Variants in MATN2 observed in about 807,000 individuals in gnomAD.
The protein encoded by MATN2 is matrilin 2.
MATN2 carries 69 observed loss-of-function variants against 103.2 expected under a neutral mutation model. That is an observed-to-expected ratio of 0.67 (90% confidence interval 0.55 to 0.82). The LOEUF is 0.82. Ranked by LOEUF, MATN2 falls within the 40% of genes least tolerant of loss-of-function variation. MATN2 has a pLI of 0.00. For synonymous variants in MATN2, 429 were observed against 450.2 expected (o/e 0.95, Z 0.60); for missense variants, 1,023 against 1,211.5 (o/e 0.84, Z 2.31).
chr8:97,941,143 C>G (rs1296783295), intron 3 of MATN2, among the ~76,000 whole-genome samples: 1 of 98,808 alleles, frequency 1.0e-5, no homozygotes. Flanking sequence ...GCCTGGAAGA[C>G]AGAGCAAGAC....
At chr8:97,947,204 T>C (rs1810780793) in intron 4 of MATN2, among the ~76,000 whole-genome samples, 1 of 152,150 alleles carries the variant, frequency 6.6e-6, no homozygotes, top group South Asian at 2.1e-4. Flanking sequence ...AAACCCTGTC[T>C]CTACTAAAAA....
intron 2 of MATN2, among the ~76,000 whole-genome samples, chr8:97,913,203 A>G (rs1809509024): frequency 6.6e-6 from 1 of 152,160 alleles, no homozygotes; most frequent in Non-Finnish European, 1.5e-5. Context: ...AGCTGCCTGA[A>G]AGATAGTCTG....
chr8:98,016,581 T>G lies in MATN2; in HGVS notation c.1615T>G (p.Ser539Ala), dbSNP rs770420759. 9.3e-6 allele frequency: 15 copies of G among 1,611,404 alleles called. No individual in the cohort carries two copies. Among genetic ancestry groups the G allele is most frequent in the Middle Eastern group, 3.3e-4 (2 of 6,072 alleles). The change falls in exon 11 of 19, where the codon TCG becomes GCG. Residue 539 changes from serine to alanine, a missense_variant. Transcript: ENST00000254898. Reference protein sequence around the residue: ...CALGDHGCEHSCVSSEDSFVC... With the variant: ...CALGDHGCEHACVSSEDSFVC... ...TCTGGGGGACCACGGTTGTGAACAT[T>G]CGTGTGTAAGCAGTGAAGATTCGTT...
At chr8:97,952,477 T>A (rs554552457) in intron 4 of MATN2, among the ~76,000 whole-genome samples, 1 of 152,274 alleles carries the variant, frequency 6.6e-6, no homozygotes, top group Admixed American at 6.5e-5. Flanking sequence ...TGCTCCCCCC[T>A]CAGTTCTGCC....
chr8:97,968,419 G>A (rs115035589), intron 5 of MATN2, among the ~76,000 whole-genome samples: 4,675 of 152,294 alleles, frequency 0.031, 225 homozygotes, highest in African/African-American at 0.1. Flanking sequence ...TGGCTAGGCT[G>A]CAAATTTTCC....
chr8:97,889,453 C>G (rs1412710791), intron 2 of MATN2, among the ~76,000 whole-genome samples: 3 of 45,902 alleles, frequency 6.5e-5, no homozygotes, highest in African/African-American at 1.6e-4. Flanking sequence ...CTCTCTCTCT[C>G]TCTGTCTATA....
intron 1 of MATN2, among the ~76,000 whole-genome samples, chr8:97,877,082 T>A (rs1818101144): frequency 6.6e-6 from 1 of 151,388 alleles, no homozygotes; most frequent in Non-Finnish European, 1.5e-5. Context: ...CGTAGTTCAC[T>A]GCAGCCTCAA....
At chr8:97,905,836 T>C (rs1484046070) in intron 2 of MATN2, among the ~76,000 whole-genome samples, 1 of 152,138 alleles carries the variant, frequency 6.6e-6, no homozygotes, top group Non-Finnish European at 1.5e-5. Context: ...ATTTTTTGTA[T>C]TTTAAGTAGA....
intron 13 of MATN2, chr8:98,024,988 T>G (rs1404662809): frequency 6.6e-6 from 1 of 152,214 alleles, no homozygotes; most frequent in Non-Finnish European, 1.5e-5. Flanking sequence ...GTGTGGGGGT[T>G]GCAAGTGCTA....
At chr8:98,030,009 G>A (rs1454055694) in intron 14 of MATN2, among the ~76,000 whole-genome samples, 1 of 152,182 alleles carries the variant, frequency 6.6e-6, no homozygotes, top group Non-Finnish European at 1.5e-5. Flanking sequence ...TGGGCAAAAA[G>A]CAGCTTCACT....
At chr8:97,912,464 A>C (rs1809481495) in intron 2 of MATN2, among the ~76,000 whole-genome samples, 1 of 152,220 alleles carries the variant, frequency 6.6e-6, no homozygotes, top group Admixed American at 6.5e-5. Flanking sequence ...TTGGCTCAAT[A>C]GTTTTCCTTT....
intron 2 of MATN2, among the ~76,000 whole-genome samples, chr8:97,901,598 T>C (rs951370766): frequency 2.6e-5 from 4 of 152,190 alleles, no homozygotes; most frequent in African/African-American, 9.7e-5. Context: ...AATCATTGAT[T>C]CATCCATTCA....
At chr8:98,008,882 C>T (rs538318609) in intron 10 of MATN2, among the ~76,000 whole-genome samples, 2 of 152,312 alleles carry the variant, frequency 1.3e-5, no homozygotes, top group Admixed American at 1.3e-4. Context: ...TTGTAGGACC[C>T]TACGAAATTC....
chr8:97,995,249 G>A (rs76834369), intron 7 of MATN2, among the ~76,000 whole-genome samples: 4 of 152,164 alleles, frequency 2.6e-5, no homozygotes, highest in African/African-American at 9.7e-5. Context: ...GGACAGAGAC[G>A]ATTATCTTTT....
At chr8:97,994,641 T>G (rs887156047) in intron 7 of MATN2, 39 bp downstream of exon 7, 1 of 1,589,482 alleles carries the variant, frequency 6.3e-7, no homozygotes, top group Non-Finnish European at 8.5e-7. Flanking sequence ...CTTGTTCTGC[T>G]AAATGCTCCT....
At chr8:98,032,833 TTTTTG>T (rs1223751370) in intron 16 of MATN2, among the ~76,000 whole-genome samples, 7 of 151,946 alleles carry the variant, frequency 4.6e-5, no homozygotes, top group African/African-American at 1.5e-4. Context: ...TGCCCGGCTG[TTTTTG>T]TTTTGTTTTT....
At chr8:97,943,679 T>C (rs1397206221) in intron 4 of MATN2, among the ~76,000 whole-genome samples, 1 of 152,106 alleles carries the variant, frequency 6.6e-6, no homozygotes. Flanking sequence ...GCTCTCGAAC[T>C]CCTGAGCTCA....
In MATN2 at chr8:98,007,007, G is replaced by C; in HGVS notation, c.1328-98G>C. The C allele has an allele frequency of 1.5e-6, 2 of 1,326,930 alleles. No individual in the cohort carries two copies. Among genetic ancestry groups the C allele is most frequent in the African/African-American group, 1.5e-5 (1 of 68,964 alleles). The allele number at this position is 1,326,930 out of a possible 1,614,324, so 82.2% of individuals were successfully genotyped here. A position where few individuals can be genotyped will look rare whatever the true frequency, so the allele number is the denominator to read the frequency against. The stretch of plus-strand genomic sequence containing the variant: ...TGTGGGGTAGAATGACACCTTCCCT[G>C]TGGCTTGTTATGCCTCCGGTTTTGT... On this transcript the variant is annotated intron_variant, in intron 8 of 18. Coordinates refer to ENST00000254898, the MANE Select transcript of MATN2 (RefSeq NM_002380.5). This position sits in a 1 kb window ranked among gnomAD's most constrained non-coding sequence, Gnocchi z 4.2.
Position 97,982,081 on chromosome 8 carries a change from A to G in MATN2, c.1081+3073A>G, listed in dbSNP as rs1812046095. Among the ~76,000 whole-genome samples, 1 of 152,226 alleles carries G rather than the reference A, an allele frequency of 6.6e-6. No individual in the cohort carries two copies. Among genetic ancestry groups the G allele is most frequent in the African/African-American group, 2.4e-5 (1 of 41,464 alleles). On this transcript the variant is annotated intron_variant, in intron 6 of 18. Coordinates refer to ENST00000254898, the MANE Select transcript of MATN2 (RefSeq NM_002380.5). This position sits in a 1 kb window ranked among gnomAD's most constrained non-coding sequence, Gnocchi z 4.3. ...GGGAGACTGGAGGGTTCGTGCAGGC[A>G]GCCTCAGGGCAGTACATCCCTTAGA...
Sources: gnomAD v4.1 joint callset for allele counts (sites outside exome capture counted in the v4.1 genomes callset) on GRCh38, gnomAD v4.1.1 for gene constraint, Gnocchi (gnomAD v3.1) non-coding constraint, MANE v1.5 for transcripts, NCBI Gene and HGNC (gene_info 2026-07-23, HGNC 2026-07-21) for gene names.